The following ARHGAP22 variants were observed in gnomAD, a reference collection of about 807,000 sequenced individuals.
ARHGAP22 encodes the protein rho GTPase-activating protein 22.
Under a neutral mutation model 59.1 loss-of-function variants are expected in ARHGAP22, and 48 were observed. That is an observed-to-expected ratio of 0.81 (90% CI 0.64 to 1.03). The LOEUF (loss-of-function observed/expected upper bound fraction) is 1.03, where lower values mean the gene tolerates loss of function less well. Among genes scored for constraint, ARHGAP22 ranks in the 50% least tolerant of loss-of-function variants. The pLI, the probability that ARHGAP22 is intolerant of heterozygous loss-of-function variation, is 0.00. For missense variants in ARHGAP22, 1,015 were observed against 958.7 expected (o/e 1.06, Z -0.78); for synonymous variants, 445 against 416.4 (o/e 1.07, Z -0.84).
chr10:48,563,018 T>C (rs898651134), intron 2 of ARHGAP22, among the ~76,000 whole-genome samples: 3 of 152,050 alleles, frequency 2.0e-5, no homozygotes, highest in African/African-American at 7.2e-5. Context: ...GGGCAGGATC[T>C]GTTTCTCACT....
At chr10:48,655,297 C>T, upstream of ARHGAP22, among the ~76,000 whole-genome samples, 1 of 144,514 alleles carries the variant, frequency 6.9e-6, no homozygotes, top group Non-Finnish European at 1.5e-5. Flanking sequence ...CAGGAGACCT[C>T]TGGTTAGGGA....
chr10:48,595,083 C>T (rs1032390252), intron 1 of ARHGAP22, among the ~76,000 whole-genome samples: 1 of 152,210 alleles, frequency 6.6e-6, no homozygotes, highest in Non-Finnish European at 1.5e-5. Flanking sequence ...TCTGGAGATA[C>T]TCCCTGGGGT....
intron 3 of ARHGAP22, among the ~76,000 whole-genome samples, chr10:48,485,885 T>G (rs2049806707): frequency 6.6e-6 from 1 of 152,220 alleles, no homozygotes; most frequent in African/African-American, 2.4e-5. Context: ...CTTTACATTT[T>G]AAGTGCATTT....
chr10:48,438,870 T>C, the ARHGAP22 span: 1 of 152,246 alleles, frequency 6.6e-6, no homozygotes, highest in Non-Finnish European at 1.5e-5. Flanking sequence ...GCTCGTGATA[T>C]CGGTCCATTT....
chr10:48,474,835 T>C (rs1007394535), intron 4 of ARHGAP22, among the ~76,000 whole-genome samples: 4 of 152,254 alleles, frequency 2.6e-5, no homozygotes, highest in African/African-American at 9.6e-5. Context: ...TATAATTCTT[T>C]GGATTCAGCA....
At chr10:48,654,814 CTTTCTTTCTTT>C (rs1239008818), upstream of ARHGAP22, among the ~76,000 whole-genome samples, 12,750 of 114,510 alleles carry the variant, frequency 0.11, 878 homozygotes, top group Admixed American at 0.21. Flanking sequence ...TTCTTTCTTT[CTTTCTTTCTTT>C]CTTCCTTCCT....
intron 3 of ARHGAP22, among the ~76,000 whole-genome samples, chr10:48,499,690 G>C (rs919468378): frequency 2.6e-5 from 4 of 152,186 alleles, no homozygotes; most frequent in Admixed American, 1.3e-4. Context: ...TTATTTTTCA[G>C]GGTACTTGTT....
intron 2 of ARHGAP22, among the ~76,000 whole-genome samples, chr10:48,582,490 C>A (rs768415431): frequency 1.8e-4 from 28 of 152,330 alleles, no homozygotes; most frequent in South Asian, 4.1e-4. Flanking sequence ...AAAGCACCTT[C>A]TTAAAATGTG....
At chr10:48,540,520 C>A (rs1442995581) in intron 3 of ARHGAP22, among the ~76,000 whole-genome samples, 1 of 152,206 alleles carries the variant, frequency 6.6e-6, no homozygotes, top group Non-Finnish European at 1.5e-5. Context: ...TGTGAGCCAC[C>A]ATGCCCTGCC....
At chr10:48,580,731 T>C (rs77412113) in intron 2 of ARHGAP22, among the ~76,000 whole-genome samples, 2,151 of 151,794 alleles carry the variant, frequency 0.014, 46 homozygotes, top group African/African-American at 0.05. Context: ...ACCAGAGGTG[T>C]GGTGCCTAGC....
chr10:48,512,342 T>C (rs1188607602), intron 3 of ARHGAP22, among the ~76,000 whole-genome samples: 1 of 152,226 alleles, frequency 6.6e-6, no homozygotes, highest in Non-Finnish European at 1.5e-5. Flanking sequence ...GTGGGTGGCC[T>C]TAGGCAGGAA....
intron 1 of ARHGAP22, among the ~76,000 whole-genome samples, chr10:48,622,343 CTTTTG>C (rs1388229329): frequency 2.0e-5 from 3 of 151,674 alleles, no homozygotes; most frequent in Non-Finnish European, 4.4e-5. Flanking sequence ...ATTACATCTT[CTTTTG>C]TTTGGTTGGG....
chr10:48,464,151 A>G (rs1254243210), intron 4 of ARHGAP22, among the ~76,000 whole-genome samples: 1 of 152,160 alleles, frequency 6.6e-6, no homozygotes. Context: ...GGCTGTAAAC[A>G]TATAAATCTC....
chr10:48,563,543 C>T (rs2057848184), intron 2 of ARHGAP22, among the ~76,000 whole-genome samples: 2 of 152,188 alleles, frequency 1.3e-5, no homozygotes, highest in Non-Finnish European at 2.9e-5. Context: ...ATTCTATCTG[C>T]CACCTTAATT....
At chr10:48,437,596 T>G in the ARHGAP22 span, 4 of 152,258 alleles carry the variant, frequency 2.6e-5, no homozygotes, top group East Asian at 5.8e-4. Context: ...TACTGGCCAT[T>G]TGTAAAACCA....
At chr10:48,467,124 A>G (rs1219739915) in intron 4 of ARHGAP22, among the ~76,000 whole-genome samples, 1 of 152,218 alleles carries the variant, frequency 6.6e-6, no homozygotes, top group African/African-American at 2.4e-5. Context: ...TCCTAGTGCC[A>G]GAGATATTGG....
At chr10:48,435,677 A>G in the ARHGAP22 span, 1 of 152,250 alleles carries the variant, frequency 6.6e-6, no homozygotes, top group East Asian at 1.9e-4. Flanking sequence ...TCTAAATGGC[A>G]GAATAACTCA....
chr10:48,596,657 C>CT (rs1325414165), intron 1 of ARHGAP22, among the ~76,000 whole-genome samples: 1 of 152,214 alleles, frequency 6.6e-6, no homozygotes, highest in Non-Finnish European at 1.5e-5. Context: ...ACCCTAAGCC[C>CT]TTGCCAGACT....
intron 1 of ARHGAP22, among the ~76,000 whole-genome samples, chr10:48,650,196 CA>C (rs2062502196): frequency 1.4e-5 from 2 of 144,858 alleles, no homozygotes; most frequent in South Asian, 4.4e-4. Context: ...ATGGCATTGC[CA>C]GTCCATTTTT....
Sources: allele counts gnomAD v4.1 joint callset (sites outside exome capture counted in the v4.1 genomes callset), GRCh38; gene constraint gnomAD v4.1.1; transcripts MANE v1.5; gene names NCBI Gene and HGNC (gene_info 2026-07-23, HGNC 2026-07-21).